Variants in AOX1 observed in about 807,000 individuals in gnomAD.
AOX1 encodes the protein aldehyde oxidase 1, also known as aldehyde oxidase.
Under a neutral mutation model 169.5 loss-of-function variants are expected in AOX1, and 153 were observed. The observed-to-expected ratio is 0.90, with a 90% confidence interval of 0.79 to 1.03. AOX1 has a LOEUF of 1.03. Ranked by LOEUF, AOX1 falls within the 50% of genes least tolerant of loss-of-function variation. AOX1 has a pLI of 0.00. For synonymous variants in AOX1, 562 were observed against 581.9 expected (o/e 0.97, Z 0.49); for missense variants, 1,656 against 1,663.9 (o/e 1.00, Z 0.08).
rs200716526 is a variant in AOX1, at chr2:200,613,876, G to A, written c.1521G>A (p.Ala507=). 79 of 1,612,574 alleles carry A rather than the reference G, an allele frequency of 4.9e-5. No individual in the cohort carries two copies. The highest frequency in any genetic ancestry group is 1.6e-4 in the South Asian group (15 of 91,024). ...ATGAAGTCTCCCTTTTGGGCTCGGC[G>A]CCAGGTGGGAAAGTGGAGTTCAAGA... ...ILNEVSLLGS[A]PGGKVEFKRT... Residue 507 remains alanine, a synonymous_variant, in exon 15 of 35, where the codon GCG becomes GCA. Transcript: ENST00000374700.
At chr2:200,586,249 GT>G in intron 1 of AOX1, 96 bp downstream of exon 1, 3 of 1,307,774 alleles carry the variant, frequency 2.3e-6, no homozygotes, top group Non-Finnish European at 3.1e-6. Context: ...CGTGCCCGCC[GT>G]TTAAGGCACT....
intron 20 of AOX1, among the ~76,000 whole-genome samples, chr2:200,631,299 C>T: frequency 6.6e-6 from 1 of 152,154 alleles, no homozygotes; most frequent in East Asian, 1.9e-4. Context: ...ATTCTTTCCT[C>T]TACATTATCC....
chr2:200,682,113 TA>T, the AOX1 span, among the ~76,000 whole-genome samples: 2 of 152,240 alleles, frequency 1.3e-5, no homozygotes, highest in African/African-American at 4.8e-5. Context: ...GAAACTTTTT[TA>T]TTCTGATTAA....
chr2:200,606,957 A>G (rs188732113), intron 10 of AOX1, among the ~76,000 whole-genome samples: 53 of 152,238 alleles, frequency 3.5e-4, no homozygotes, highest in African/African-American at 1.3e-3. Flanking sequence ...CTGTCTTCCT[A>G]TTTGAATACC....
At position 200,630,985 on chromosome 2, in the gene AOX1, A is replaced by G. The variant is rs1188722744; in HGVS notation, c.2221+3536A>G. The stretch of plus-strand genomic sequence containing the variant: ...TGAAGCAAACCTGCACATCCTGCAC[A>G]TGTACCCCAGAACTTAAAAGTTGAA... On this transcript the variant is annotated intron_variant, in intron 20 of 34. Coordinates refer to ENST00000374700, the MANE Select transcript of AOX1 (RefSeq NM_001159.4). Among the ~76,000 whole-genome samples the G allele has an allele frequency of 2.6e-5, 4 of 152,182 alleles. No individual in the cohort carries two copies. In the East Asian group the frequency reaches 5.8e-4, roughly 22 times the overall value.
chr2:200,634,761 C>T, intron 20 of AOX1, 30 bp from the exon 21 acceptor site: 2 of 1,612,866 alleles, frequency 1.2e-6, no homozygotes, highest in East Asian at 4.5e-5. Flanking sequence ...CTGACTGCTT[C>T]CTTGACTTTT....
chr2:200,621,120 G>A lies in AOX1; in HGVS notation c.1875G>A (p.Val625=). Residue 625 remains valine (V), a splice_region_variant and synonymous_variant, in exon 18 of 35, where the codon GTG becomes GTA. Coordinates refer to ENST00000374700, the MANE Select transcript of AOX1 (RefSeq NM_001159.4). ...VTSSRAHAKI[V]SIDLSEALSM... is the part of the protein sequence containing the mutation. Reference sequence around the variant, plus strand: ...GAGCTCTGCTGTGTATATCATCTAGGTCTATTGATCTGTCAGAAGCTCTCA... The same window carrying A: ...GAGCTCTGCTGTGTATATCATCTAGATCTATTGATCTGTCAGAAGCTCTCA... 6.2e-7 allele frequency: 1 copy of A among 1,612,594 alleles called. No homozygotes were observed. Among genetic ancestry groups the A allele is most frequent in the Non-Finnish European group, 8.5e-7 (1 of 1,179,674 alleles).
At chr2:200,647,931 G>C (rs2035493665) in intron 25 of AOX1, among the ~76,000 whole-genome samples, 1 of 131,022 alleles carries the variant, frequency 7.6e-6, no homozygotes, top group South Asian at 2.4e-4. Flanking sequence ...AAAGTTTCCT[G>C]AATTTTTTTA....
chr2:200,661,515 G>A, intron 29 of AOX1, 64 bp from the exon 30 acceptor site: 1 of 1,263,372 alleles, frequency 7.9e-7, no homozygotes, highest in Non-Finnish European at 1.2e-6. Flanking sequence ...AATTAAAATT[G>A]AAGTCTTGAG....
In AOX1 at chr2:200,604,026, A is replaced by C; in HGVS notation, c.598A>C (p.Lys200Gln). 1 of 1,611,144 alleles carries C rather than the reference A, an allele frequency of 6.2e-7. No individual in the cohort carries two copies. The highest frequency in any genetic ancestry group is 8.5e-7 in the Non-Finnish European group (1 of 1,177,298). ...TATGTTCTCTTTTTAGACAAGTCCA[A>C]AACTCTTCGCAGAAGAGGAGTTTCT... ...EFEEGSKTSP[K>Q]LFAEEEFLPL... Residue 200 changes from lysine to glutamine, a missense_variant, in exon 8 of 35, where the codon AAA becomes CAA. Physicochemically the swap from Lys to Gln is moderately conservative, Grantham distance 53. Transcript: ENST00000374700.
chr2:200,615,071 T>G (rs2034724563), intron 15 of AOX1, among the ~76,000 whole-genome samples: 2 of 152,250 alleles, frequency 1.3e-5, no homozygotes, highest in South Asian at 4.1e-4. Context: ...TGGTGTGATA[T>G]CATAGCTCAG....
In AOX1 at chr2:200,656,859, C is replaced by T. The variant is rs759216165; in HGVS notation, c.3093C>T (p.His1031=). Residue 1031 remains histidine (H), a synonymous_variant, in exon 27 of 35, where the codon CAC becomes CAT. Transcript: ENST00000374700. ...RAAGQAAALV[H]IYLDGSVLVT... ...CTGCTCAGGCTGCTGCCTTGGTTCACATTTATCTTGATGGCTCTGTGCTGG... is the reference window on the plus strand; with the variant it reads ...CTGCTCAGGCTGCTGCCTTGGTTCATATTTATCTTGATGGCTCTGTGCTGG... 5 of 1,586,096 alleles carry T rather than the reference C, an allele frequency of 3.2e-6. No individual in the cohort carries two copies. The highest frequency in any genetic ancestry group is 1.7e-6 in the Non-Finnish European group (2 of 1,165,492).
At chr2:200,634,758 C>T (rs1159805017) in intron 20 of AOX1, 33 bp from the exon 21 acceptor site, 1 of 1,612,236 alleles carries the variant, frequency 6.2e-7, no homozygotes, top group Non-Finnish European at 8.5e-7. Flanking sequence ...CTTCTGACTG[C>T]TTCCTTGACT....
chr2:200,666,472 G>A (rs1042692870), intron 31 of AOX1, among the ~76,000 whole-genome samples: 1 of 152,130 alleles, frequency 6.6e-6, no homozygotes. Context: ...AAGAAAAAAA[G>A]ACAGTGCTTC....
rs76741639 is a variant in AOX1, at chr2:200,618,744, G to T, written c.1705-1906G>T. 2.4e-3 allele frequency among the ~76,000 whole-genome samples: 370 copies of T among 152,224 alleles called. 4 individuals carry two copies. Among genetic ancestry groups the T allele is most frequent in the African/African-American group, 8.5e-3 (354 of 41,532 alleles). ...AGTTCCTGGAGCAGCAGAGGGCACT[G>T]GAGAACTGTACATTTCACAGCTGTC... On this transcript the variant is annotated intron_variant, in intron 16 of 34. Coordinates refer to ENST00000374700, the MANE Select transcript of AOX1 (RefSeq NM_001159.4).
intron 32 of AOX1, among the ~76,000 whole-genome samples, chr2:200,668,139 C>G (rs1188986002): frequency 6.9e-6 from 1 of 145,344 alleles, no homozygotes; most frequent in Non-Finnish European, 1.5e-5. Context: ...AAGTTTTGCT[C>G]TTGTTGCCCG....
chr2:200,620,508 C>A, intron 16 of AOX1, 142 bp from the exon 17 acceptor site: 1 of 759,438 alleles, frequency 1.3e-6, no homozygotes, highest in Non-Finnish European at 2.0e-6. Context: ...TGTGCCCAGC[C>A]CAATAGTGCT....
At chr2:200,625,155 A>T (rs940872326) in intron 19 of AOX1, among the ~76,000 whole-genome samples, 1 of 152,074 alleles carries the variant, frequency 6.6e-6, no homozygotes, top group African/African-American at 2.4e-5. Context: ...AGGCCTCCCA[A>T]ATTTTCCTGG....
chr2:200,655,562 C>A (rs964323936), intron 26 of AOX1, among the ~76,000 whole-genome samples: 2 of 152,170 alleles, frequency 1.3e-5, no homozygotes, highest in African/African-American at 4.8e-5. Context: ...GGACTGTGGA[C>A]ATATGTGCCT....
Sources: allele counts gnomAD v4.1 joint callset (sites outside exome capture counted in the v4.1 genomes callset), GRCh38; gene constraint gnomAD v4.1.1; transcripts MANE v1.5; gene names NCBI Gene and HGNC (gene_info 2026-07-23, HGNC 2026-07-21).